SPATS2L: variants seen among roughly 807,000 people sequenced by gnomAD.
SPATS2L encodes the protein SPATS2-like protein.
SPATS2L carries 30 observed loss-of-function variants against 59.6 expected under a neutral mutation model. That is an observed-to-expected ratio of 0.50 (90% CI 0.38 to 0.68). The LOEUF is 0.68. SPATS2L is among the 30% of genes least tolerant of loss of function. The probability of loss-of-function intolerance (pLI) is 0.00; values close to 1 mark genes in which losing one functional copy is unlikely to be tolerated. For synonymous variants in SPATS2L, 252 were observed against 263.5 expected (o/e 0.96, Z 0.42); for missense variants, 615 against 700.0 (o/e 0.88, Z 1.37).
intron 10 of SPATS2L, among the ~76,000 whole-genome samples, chr2:200,468,347 T>TACACACACAC (rs141831238): frequency 0.011 from 1,216 of 110,136 alleles, 44 homozygotes; most frequent in African/African-American, 0.024. Context: ...CCCAGTATAC[T>TACACACACAC]ACACACACAC....
intron 2 of SPATS2L, among the ~76,000 whole-genome samples, chr2:200,355,783 A>G (rs1371213010): frequency 1.3e-5 from 2 of 152,252 alleles, no homozygotes; most frequent in Non-Finnish European, 2.9e-5. Context: ...AATATAATTC[A>G]GACAATTTCA....
intron 3 of SPATS2L, among the ~76,000 whole-genome samples, chr2:200,409,661 A>AT (rs956107689): frequency 2.6e-5 from 4 of 152,080 alleles, no homozygotes; most frequent in Non-Finnish European, 5.9e-5. Flanking sequence ...AGCAGAAACT[A>AT]TTTTTTTCCC....
chr2:200,437,833 C>T (rs2084404448), intron 6 of SPATS2L, among the ~76,000 whole-genome samples: 1 of 152,116 alleles, frequency 6.6e-6, no homozygotes, highest in African/African-American at 2.4e-5. Context: ...GATCATATTC[C>T]TTTGTATTTT....
At chr2:200,437,272 T>C (rs1180993792) in intron 6 of SPATS2L, among the ~76,000 whole-genome samples, 1 of 152,134 alleles carries the variant, frequency 6.6e-6, no homozygotes, top group Admixed American at 6.5e-5. Flanking sequence ...TTTAGAGAGG[T>C]AGTGACTTGG....
chr2:200,351,300 G>A (rs777263764), intron 2 of SPATS2L: 24 of 471,386 alleles, frequency 5.1e-5, no homozygotes, highest in Middle Eastern at 3.2e-4. Flanking sequence ...TGTAAGTACC[G>A]GGAATACAGA....
chr2:200,345,160 A>G (rs1224840563), intron 2 of SPATS2L, among the ~76,000 whole-genome samples: 2 of 152,156 alleles, frequency 1.3e-5, no homozygotes, highest in African/African-American at 4.8e-5. Flanking sequence ...CTAGGTCCAT[A>G]AGAGGATTGC....
At chr2:200,316,931 G>A (rs1293556899) in intron 1 of SPATS2L, among the ~76,000 whole-genome samples, 1 of 152,110 alleles carries the variant, frequency 6.6e-6, no homozygotes, top group Admixed American at 6.6e-5. Flanking sequence ...TTGCAGTCCC[G>A]CTGGTCTCTG....
intron 1 of SPATS2L, among the ~76,000 whole-genome samples, chr2:200,311,180 A>G (rs2079182089): frequency 6.6e-6 from 1 of 152,254 alleles, no homozygotes; most frequent in East Asian, 1.9e-4. Flanking sequence ...ATAGCCTGAC[A>G]CATAGTCATG....
chr2:200,426,388 T>C (rs1057414037), intron 6 of SPATS2L, among the ~76,000 whole-genome samples: 4 of 152,172 alleles, frequency 2.6e-5, no homozygotes, highest in African/African-American at 9.7e-5. Context: ...TCTATTAACA[T>C]ATATATAACT....
At chr2:200,460,705 T>A (rs1462829245) in intron 9 of SPATS2L, 1 of 151,260 alleles carries the variant, frequency 6.6e-6, no homozygotes, top group Non-Finnish European at 1.5e-5. Flanking sequence ...GAGCCAAGAT[T>A]GCACCACTGC....
intron 1 of SPATS2L, among the ~76,000 whole-genome samples, chr2:200,319,048 C>T (rs922154929): frequency 1.3e-5 from 2 of 152,174 alleles, no homozygotes; most frequent in African/African-American, 4.8e-5. Flanking sequence ...TGAAACCTGC[C>T]TCCCTGCAGC....
chr2:200,356,112 T>G (rs554834675), intron 2 of SPATS2L, among the ~76,000 whole-genome samples: 1 of 152,332 alleles, frequency 6.6e-6, no homozygotes, highest in East Asian at 1.9e-4. Flanking sequence ...ATTTCTTATT[T>G]GAATTACAAG....
At chr2:200,357,759 A>C (rs906861852) in intron 2 of SPATS2L, among the ~76,000 whole-genome samples, 1 of 152,204 alleles carries the variant, frequency 6.6e-6, no homozygotes, top group Non-Finnish European at 1.5e-5. Context: ...AGACTATCAT[A>C]ATGTTTCTCA....
chr2:200,448,059 C>T (rs958208960), intron 8 of SPATS2L, among the ~76,000 whole-genome samples: 2 of 152,068 alleles, frequency 1.3e-5, no homozygotes, highest in Non-Finnish European at 2.9e-5. Context: ...GTGGGAGGAT[C>T]ATTTGAGCCC....
Position 200,389,268 on chromosome 2 carries a change from G to A in SPATS2L, c.24G>A (p.Val8=), listed in dbSNP as rs191083791. 1 of 1,583,448 alleles carries A rather than the reference G, an allele frequency of 6.3e-7. No homozygotes were observed. Among genetic ancestry groups the A allele is most frequent in the Non-Finnish European group, 8.6e-7 (1 of 1,162,478 alleles). The change falls in exon 3 of 13, where the codon GTG becomes GTA. Residue 8 remains valine (V), a synonymous_variant. Coordinates refer to ENST00000409140, the MANE Select transcript of SPATS2L (RefSeq NM_001100423.2). The part of the protein sequence containing the change: MAELNTH[V]NVKEKIYAVR... The stretch of plus-strand genomic sequence containing the variant: ...AGATGGCTGAACTCAATACTCATGT[G>A]AATGTCAAGGAAAAGGTAAGATCAA...
At chr2:200,349,806 T>G (rs1181283023) in intron 2 of SPATS2L, among the ~76,000 whole-genome samples, 1 of 152,238 alleles carries the variant, frequency 6.6e-6, no homozygotes, top group Non-Finnish European at 1.5e-5. Context: ...TTCATTCCTT[T>G]CAGCAAATTC....
chr2:200,380,064 C>A (rs187455819), intron 2 of SPATS2L, among the ~76,000 whole-genome samples: 122 of 152,188 alleles, frequency 8.0e-4, no homozygotes, highest in Admixed American at 1.1e-3. Context: ...CCAGCAGAGA[C>A]CTATGAAATG....
intron 2 of SPATS2L, among the ~76,000 whole-genome samples, chr2:200,377,352 T>C (rs1176886022): frequency 6.6e-6 from 1 of 152,222 alleles, no homozygotes; most frequent in African/African-American, 2.4e-5. Context: ...TCTGCGAGAT[T>C]ACTTAAGGGC....
intron 4 of SPATS2L, 29 bp downstream of exon 4, chr2:200,412,448 G>A (rs2082909659): frequency 7.8e-7 from 1 of 1,283,560 alleles, no homozygotes; most frequent in Admixed American, 2.2e-5. Context: ...TGCAGCTGAA[G>A]ATGTTAGACT....
Sources: gnomAD v4.1 joint callset for allele counts (sites outside exome capture counted in the v4.1 genomes callset) on GRCh38, gnomAD v4.1.1 for gene constraint, MANE v1.5 for transcripts, NCBI Gene and HGNC (gene_info 2026-07-23, HGNC 2026-07-21) for gene names.